Variants in AFF3 observed in about 807,000 individuals in gnomAD.
The protein encoded by AFF3 is AF4/FMR2 family member 3.
AFF3 carries 32 observed loss-of-function variants against 129.7 expected under a neutral mutation model. That is an observed-to-expected ratio of 0.25 (90% confidence interval 0.19 to 0.33). AFF3 has a LOEUF of 0.33. Ranked by LOEUF, AFF3 falls within the 10% of genes least tolerant of loss-of-function variation. The probability of loss-of-function intolerance (pLI) is 1.00; values close to 1 mark genes in which losing one functional copy is unlikely to be tolerated. For synonymous variants in AFF3, 644 were observed against 635.4 expected (o/e 1.01, Z -0.20); for missense variants, 1,373 against 1,592.0 (o/e 0.86, Z 2.34).
intron 18 of AFF3, 80 bp from the exon 19 acceptor site, chr2:99,568,995 A>C (rs1676239801): frequency 3.7e-6 from 5 of 1,358,986 alleles, no homozygotes. Context: ...TTTCACTCAA[A>C]CTTAAGGCAC....
At chr2:99,993,705 A>C (rs994946869) in intron 7 of AFF3, among the ~76,000 whole-genome samples, 11 of 151,910 alleles carry the variant, frequency 7.2e-5, no homozygotes. Context: ...ATATGAAAGA[A>C]AGACAAAAAT....
chr2:99,744,384 G>A (rs1575846993), intron 9 of AFF3, among the ~76,000 whole-genome samples: 1 of 152,120 alleles, frequency 6.6e-6, no homozygotes, highest in Non-Finnish European at 1.5e-5. Context: ...TTGAGGTGAA[G>A]TTCACATAAC....
intron 12 of AFF3, among the ~76,000 whole-genome samples, chr2:99,665,269 A>G: frequency 6.6e-6 from 1 of 152,276 alleles, no homozygotes; most frequent in Non-Finnish European, 1.5e-5. Flanking sequence ...GGGAGGCTGT[A>G]TTACAGAGGG....
chr2:100,129,394 G>GTA (rs1692328342), intron 1 of AFF3, 88 bp from the exon 2 acceptor site: 1 of 147,674 alleles, frequency 6.8e-6, no homozygotes, highest in East Asian at 2.1e-4. Flanking sequence ...GTGTGTGTGT[G>GTA]TGTGTGTGTG....
At chr2:100,015,584 CTTG>C (rs1271710273) in intron 4 of AFF3, among the ~76,000 whole-genome samples, 2 of 152,170 alleles carry the variant, frequency 1.3e-5, no homozygotes, top group African/African-American at 4.8e-5. Flanking sequence ...ATTAACATCT[CTTG>C]TTATTTATAA....
chr2:99,855,264 A>G (rs1690442414), intron 7 of AFF3, among the ~76,000 whole-genome samples: 1 of 152,240 alleles, frequency 6.6e-6, no homozygotes, highest in Non-Finnish European at 1.5e-5. Context: ...ATAAGTCTGA[A>G]TACAGTAAAA....
At chr2:100,082,708 T>C (rs866510726) in intron 4 of AFF3, among the ~76,000 whole-genome samples, 31 of 152,190 alleles carry the variant, frequency 2.0e-4, no homozygotes, top group African/African-American at 6.3e-4. Context: ...GATTTTGTCA[T>C]GGAGTAGTGA....
intron 13 of AFF3, among the ~76,000 whole-genome samples, chr2:99,635,199 C>CT (rs1683535252): frequency 6.6e-6 from 1 of 151,080 alleles, no homozygotes; most frequent in Non-Finnish European, 1.5e-5. Context: ...ATACACATCT[C>CT]TATGTATATG....
chr2:99,814,983 G>T (rs1687105503), intron 8 of AFF3, among the ~76,000 whole-genome samples: 1 of 151,744 alleles, frequency 6.6e-6, no homozygotes, highest in Admixed American at 6.6e-5. Context: ...CCAAGTAGCT[G>T]GGATTACAGG....
intron 11 of AFF3, among the ~76,000 whole-genome samples, chr2:99,701,972 T>A (rs1400102005): frequency 6.6e-6 from 1 of 152,234 alleles, no homozygotes; most frequent in African/African-American, 2.4e-5. Context: ...CTGAGATCCA[T>A]CCAAGTTGTA....
intron 13 of AFF3, among the ~76,000 whole-genome samples, chr2:99,608,540 G>C (rs957643973): frequency 6.6e-6 from 1 of 152,094 alleles, no homozygotes; most frequent in African/African-American, 2.4e-5. Context: ...ACCCACGGGG[G>C]CCACGCAAGT....
chr2:100,035,912 T>C (rs1448521066), intron 4 of AFF3, among the ~76,000 whole-genome samples: 1 of 151,956 alleles, frequency 6.6e-6, no homozygotes, highest in African/African-American at 2.4e-5. Context: ...TCTGTTACAA[T>C]AGTACACTGC....
At chr2:99,981,990 C>T (rs1230848480) in intron 7 of AFF3, among the ~76,000 whole-genome samples, 1 of 152,158 alleles carries the variant, frequency 6.6e-6, no homozygotes, top group Non-Finnish European at 1.5e-5. Flanking sequence ...CCTTCTGTTG[C>T]TTTTTTGCCA....
At chr2:99,938,621 T>TG (rs1361084911) in intron 7 of AFF3, among the ~76,000 whole-genome samples, 1 of 152,198 alleles carries the variant, frequency 6.6e-6, no homozygotes, top group Non-Finnish European at 1.5e-5. Flanking sequence ...GTAATGTGGG[T>TG]GGGCCTCATC....
chr2:99,914,458 G>C (rs1481392233), intron 7 of AFF3, among the ~76,000 whole-genome samples: 1 of 152,148 alleles, frequency 6.6e-6, no homozygotes, highest in African/African-American at 2.4e-5. Context: ...TCCTGGACCA[G>C]GAAGGTGAAA....
In AFF3 at chr2:99,550,295, TC is replaced by T. The variant is rs554707383; in HGVS notation, c.*1178del. 1.3e-3 allele frequency: 310 copies of T among 231,336 alleles called. 1 individual carries two copies. Among genetic ancestry groups the T allele is most frequent in the African/African-American group, 6.5e-3 (297 of 45,352 alleles). The allele number at this position is 231,336 out of a possible 1,614,324, so 14.3% of individuals were successfully genotyped here. ...CTGCTGCCCCAGAAAGGAACTGTGATCTTCTGCATTGCAAGCAGCCTGCTAA... is the reference window on the plus strand; with the variant it reads ...CTGCTGCCCCAGAAAGGAACTGTGATTTCTGCATTGCAAGCAGCCTGCTAA... On this transcript the variant is annotated 3_prime_UTR_variant, in exon 25 of 25. Coordinates refer to ENST00000672756, the MANE Select transcript of AFF3 (RefSeq NM_001386135.1).
chr2:99,630,914 A>G, intron 13 of AFF3: 1 of 365,402 alleles, frequency 2.7e-6, no homozygotes, highest in South Asian at 2.1e-5. Context: ...TTCTGGGCTC[A>G]CCTTGTAGAA....
intron 7 of AFF3, among the ~76,000 whole-genome samples, chr2:99,860,499 A>T (rs1690899794): frequency 6.6e-6 from 1 of 152,128 alleles, no homozygotes. Context: ...GCTTGCAGTG[A>T]GCCGAGATGG....
intron 4 of AFF3, among the ~76,000 whole-genome samples, chr2:100,081,962 T>C (rs899755278): frequency 2.2e-4 from 33 of 152,224 alleles, no homozygotes; most frequent in Non-Finnish European, 5.9e-5. Context: ...GGGATAAAAC[T>C]GAGATGTAAT....
Sources: allele counts gnomAD v4.1 joint callset (sites outside exome capture counted in the v4.1 genomes callset), GRCh38; gene constraint gnomAD v4.1.1; transcripts MANE v1.5; gene names NCBI Gene and HGNC (gene_info 2026-07-23, HGNC 2026-07-21).